Variants in DCLK2 observed in about 807,000 individuals in gnomAD.
DCLK2 encodes the protein doublecortin like kinase 2.
In DCLK2, 31 loss-of-function variants were observed where a neutral mutation model predicts 78.4. That is an observed-to-expected ratio of 0.40 (90% CI 0.30 to 0.53). The LOEUF is 0.53. DCLK2 is among the 20% of genes least tolerant of loss of function. The probability of loss-of-function intolerance (pLI) is 0.61; values close to 1 mark genes in which losing one functional copy is unlikely to be tolerated. For synonymous variants in DCLK2, 407 were observed against 374.9 expected, an observed-to-expected ratio of 1.09 and a Z score of -0.99; for missense variants, 872 against 973.7, an observed-to-expected ratio of 0.90 and a Z score of 1.39.
chr4:150,129,303 T>C (rs1399639221), intron 2 of DCLK2, among the ~76,000 whole-genome samples: 3 of 152,146 alleles, frequency 2.0e-5, no homozygotes, highest in African/African-American at 7.2e-5. Context: ...ATAAGACTGG[T>C]CATGACAGTC....
At chr4:150,132,596 T>C (rs1733395099) in intron 2 of DCLK2, among the ~76,000 whole-genome samples, 1 of 152,198 alleles carries the variant, frequency 6.6e-6, no homozygotes, top group Non-Finnish European at 1.5e-5. Flanking sequence ...TCACAACTTT[T>C]TTTTTAAAGA....
intron 1 of DCLK2, among the ~76,000 whole-genome samples, chr4:150,091,493 T>A (rs964971207): frequency 6.6e-6 from 1 of 152,186 alleles, no homozygotes; most frequent in Admixed American, 6.5e-5. Context: ...TAAATAAGTT[T>A]TCCTTTTTAT....
chr4:150,214,953 C>CAAAA (rs60156550), intron 5 of DCLK2, among the ~76,000 whole-genome samples: 8 of 86,374 alleles, frequency 9.3e-5, no homozygotes, highest in Non-Finnish European at 9.3e-5. Context: ...CAGAGTGTCT[C>CAAAA]AAAAAAAAAA....
intron 10 of DCLK2, among the ~76,000 whole-genome samples, chr4:150,235,505 A>G (rs992516770): frequency 9.9e-5 from 15 of 152,034 alleles, no homozygotes; most frequent in African/African-American, 3.4e-4. Flanking sequence ...TCCCAAACCT[A>G]CGGGAGCCCC....
At chr4:150,190,940 C>A (rs1331037178) in intron 2 of DCLK2, among the ~76,000 whole-genome samples, 1 of 152,068 alleles carries the variant, frequency 6.6e-6, no homozygotes, top group African/African-American at 2.4e-5. Flanking sequence ...TACTTACCTA[C>A]CTACCTACCT....
At chr4:150,114,666 A>C (rs534190961) in intron 2 of DCLK2, among the ~76,000 whole-genome samples, 1 of 152,220 alleles carries the variant, frequency 6.6e-6, no homozygotes, top group East Asian at 1.9e-4. Context: ...GCTGGATTCA[A>C]AATTCTTGGC....
chr4:150,089,853 G>T (rs1729921607), intron 1 of DCLK2, among the ~76,000 whole-genome samples: 2 of 152,168 alleles, frequency 1.3e-5, no homozygotes, highest in Non-Finnish European at 2.9e-5. Flanking sequence ...TGCTGAGTTA[G>T]GTATGCTGTA....
intron 2 of DCLK2, among the ~76,000 whole-genome samples, chr4:150,147,156 G>A (rs545517591): frequency 3.3e-5 from 5 of 152,072 alleles, no homozygotes; most frequent in African/African-American, 9.6e-5. Flanking sequence ...ATAAGTTAGC[G>A]AAGCATGGTG....
chr4:150,176,954 G>A (rs955071771), intron 2 of DCLK2, among the ~76,000 whole-genome samples: 4 of 152,172 alleles, frequency 2.6e-5, no homozygotes, highest in African/African-American at 9.7e-5. Flanking sequence ...AAAAGAAATA[G>A]ATGTTTCTTT....
At chr4:150,173,820 A>G (rs1413895574) in intron 2 of DCLK2, among the ~76,000 whole-genome samples, 1 of 152,166 alleles carries the variant, frequency 6.6e-6, no homozygotes, top group Admixed American at 6.5e-5. Flanking sequence ...AGCCAAGCCA[A>G]TTCAAACAAA....
At chr4:150,152,115 T>G (rs1005279589) in intron 2 of DCLK2, among the ~76,000 whole-genome samples, 6 of 152,216 alleles carry the variant, frequency 3.9e-5, no homozygotes, top group Non-Finnish European at 5.9e-5. Context: ...ATAATATACA[T>G]TGATTGTATA....
chr4:150,092,680 A>T (rs767401201), intron 1 of DCLK2, among the ~76,000 whole-genome samples: 1 of 152,164 alleles, frequency 6.6e-6, no homozygotes, highest in Non-Finnish European at 1.5e-5. Context: ...TTTGAATATT[A>T]AAGGATAAAG....
chr4:150,221,762 A>T lies in DCLK2; in HGVS notation c.1218A>T (p.Ala406=). 6.2e-7 allele frequency: 1 copy of T among 1,605,492 alleles called. No individual in the cohort carries two copies. Among genetic ancestry groups the T allele is most frequent in the Non-Finnish European group, 8.5e-7 (1 of 1,176,036 alleles). Residue 406 remains alanine (A), a synonymous_variant, in exon 7 of 16, where the codon GCA becomes GCT. Transcript: ENST00000296550. ...AGGTCATTGGTGATGGCAATTTTGC[A>T]GTAGTCAAAGAGTGTATAGACAGGT... The part of the protein sequence containing the change: ...IGKVIGDGNF[A]VVKECIDRST...
intron 14 of DCLK2, 133 bp downstream of exon 14, chr4:150,248,518 A>T: frequency 5.5e-6 from 4 of 733,412 alleles, no homozygotes; most frequent in Non-Finnish European, 9.3e-6. Context: ...TGTCCCATTG[A>T]GCAAGTAGCA....
chr4:150,225,135 C>T (rs926313824), intron 8 of DCLK2, among the ~76,000 whole-genome samples: 2 of 152,192 alleles, frequency 1.3e-5, no homozygotes, highest in African/African-American at 2.4e-5. Context: ...CAATGCTGCC[C>T]AGTCTTTGCC....
chr4:150,243,865 C>CT lies in DCLK2; in HGVS notation c.1778+3407dup, dbSNP rs200972178. Among the ~76,000 whole-genome samples, 542 of 135,522 alleles carry CT rather than the reference C, an allele frequency of 4.0e-3. 1 individual carries two copies. Among genetic ancestry groups the CT allele is most frequent in the Admixed American group, 7.5e-3 (102 of 13,664 alleles). 88.9% of individuals were successfully genotyped at this position (135,522 alleles called of 152,430 possible). On this transcript the variant is annotated intron_variant, in intron 12 of 15. Coordinates refer to ENST00000296550, the MANE Select transcript of DCLK2 (RefSeq NM_001040260.4). ...TACAAGCACACACCACCATGCCCAG[C>CT]TTTTTTTTTTTTTTTTTTGGTAGAG...
At chr4:150,114,511 C>G (rs927106904) in intron 2 of DCLK2, among the ~76,000 whole-genome samples, 5 of 152,124 alleles carry the variant, frequency 3.3e-5, no homozygotes, top group African/African-American at 1.2e-4. Flanking sequence ...GAGTTTTATG[C>G]TGTCAAGAGG....
At chr4:150,213,436 A>G (rs963639906) in intron 5 of DCLK2, among the ~76,000 whole-genome samples, 6 of 152,206 alleles carry the variant, frequency 3.9e-5, no homozygotes, top group African/African-American at 1.4e-4. Flanking sequence ...GAAATCCAAT[A>G]TGAAAATAAT....
chr4:150,240,722 A>G (rs1742857489), intron 12 of DCLK2, among the ~76,000 whole-genome samples: 1 of 150,572 alleles, frequency 6.6e-6, no homozygotes, highest in African/African-American at 2.4e-5. Context: ...CACAATGTGC[A>G]CATGTACCCT....
Sources: gnomAD v4.1 joint callset for allele counts (sites outside exome capture counted in the v4.1 genomes callset) on GRCh38, gnomAD v4.1.1 for gene constraint, MANE v1.5 for transcripts, NCBI Gene and HGNC (gene_info 2026-07-23, HGNC 2026-07-21) for gene names.